The following DAB1 variants were observed in gnomAD, a reference collection of about 807,000 sequenced individuals.
The protein encoded by DAB1 is DAB adaptor protein 1, also known as disabled homolog 1.
In DAB1, 15 loss-of-function variants were observed where a neutral mutation model predicts 64.6. That is an observed-to-expected ratio of 0.23 (90% confidence interval 0.16 to 0.36). The LOEUF is 0.36. DAB1 is among the 10% of genes least tolerant of loss of function. The probability of loss-of-function intolerance (pLI) is 1.00; values close to 1 mark genes in which losing one functional copy is unlikely to be tolerated. For missense variants in DAB1, 596 were observed against 706.7 expected, an observed-to-expected ratio of 0.84 and a Z score of 1.78; for synonymous variants, 235 against 251.9, an observed-to-expected ratio of 0.93 and a Z score of 0.64.
At chr1:57,533,005 C>T (rs1644683607) in intron 7 of DAB1, among the ~76,000 whole-genome samples, 1 of 152,058 alleles carries the variant, frequency 6.6e-6, no homozygotes, top group Non-Finnish European at 1.5e-5. Context: ...TTATAACTTG[C>T]CAAAAATGTA....
intron 5 of DAB1, among the ~76,000 whole-genome samples, chr1:57,976,291 C>G (rs1450183892): frequency 6.6e-6 from 1 of 152,194 alleles, no homozygotes; most frequent in Non-Finnish European, 1.5e-5. Context: ...ACCACCAAAC[C>G]ATCTCAGTAA....
At chr1:57,229,484 T>G (rs1667513502) in intron 2 of DAB1, among the ~76,000 whole-genome samples, 1 of 152,014 alleles carries the variant, frequency 6.6e-6, no homozygotes, top group Non-Finnish European at 1.5e-5. Flanking sequence ...CGTGAGCCAC[T>G]GCGCCCGGCC....
At chr1:57,806,457 G>C (rs558867698) in intron 6 of DAB1, among the ~76,000 whole-genome samples, 1 of 152,290 alleles carries the variant, frequency 6.6e-6, no homozygotes, top group Non-Finnish European at 1.5e-5. Context: ...GGCAGGGATC[G>C]GGGTGATTTG....
chr1:58,341,809 G>A (rs1405627796), intron 4 of DAB1, among the ~76,000 whole-genome samples: 1 of 152,162 alleles, frequency 6.6e-6, no homozygotes, highest in Non-Finnish European at 1.5e-5. Context: ...TTATTTCTAA[G>A]GTGATGCGGG....
chr1:58,254,118 T>C (rs966771142), intron 4 of DAB1, among the ~76,000 whole-genome samples: 2 of 152,186 alleles, frequency 1.3e-5, no homozygotes, highest in African/African-American at 4.8e-5. Flanking sequence ...TCACTTCAGA[T>C]CCACACTCAA....
At chr1:57,132,893 T>C (rs547239656) in intron 4 of DAB1, among the ~76,000 whole-genome samples, 1 of 152,262 alleles carries the variant, frequency 6.6e-6, no homozygotes, top group South Asian at 2.1e-4. Flanking sequence ...CTAATATAGA[T>C]AAAAGCATCA....
chr1:58,070,644 T>C (rs1649178809), intron 5 of DAB1, among the ~76,000 whole-genome samples: 1 of 152,058 alleles, frequency 6.6e-6, no homozygotes. Flanking sequence ...ATGAAGTACA[T>C]TGTGTGAGAT....
intron 5 of DAB1, among the ~76,000 whole-genome samples, chr1:58,069,329 A>C (rs1185421230): frequency 1.3e-5 from 2 of 152,212 alleles, no homozygotes; most frequent in Non-Finnish European, 2.9e-5. Context: ...AAGTTTGTCC[A>C]AGGCTTCCAA....
chr1:58,347,817 T>C lies in DAB1; in HGVS notation n.258-4414A>G, dbSNP rs1644016368. 2.0e-5 allele frequency among the ~76,000 whole-genome samples: 3 copies of C among 152,122 alleles called. No individual in the cohort carries two copies. In the South Asian group the frequency reaches 6.2e-4, roughly 32 times the overall value. Reference sequence around the variant, plus strand: ...GAGGGAAAGAGAAGCTAACTATTTCTCACCTTGCCCCCTTGGCTTGAGCAG... The same window carrying C: ...GAGGGAAAGAGAAGCTAACTATTTCCCACCTTGCCCCCTTGGCTTGAGCAG... On this transcript the variant is annotated intron_variant and non_coding_transcript_variant, in intron 3 of 20. Transcript: ENST00000485760.
At chr1:57,362,820 C>A (rs1305249365) in intron 1 of DAB1, among the ~76,000 whole-genome samples, 1 of 152,126 alleles carries the variant, frequency 6.6e-6, no homozygotes, top group Non-Finnish European at 1.5e-5. Flanking sequence ...CACACACAAG[C>A]ACACAAACAC....
chr1:57,061,235 G>GT (rs961669743), intron 9 of DAB1, among the ~76,000 whole-genome samples: 8 of 151,036 alleles, frequency 5.3e-5, no homozygotes, highest in African/African-American at 1.7e-4. Flanking sequence ...AGATGGGGGG[G>GT]GGGGGTGGTT....
intron 1 of DAB1, among the ~76,000 whole-genome samples, chr1:57,400,710 C>G (rs1375477650): frequency 6.6e-6 from 1 of 151,924 alleles, no homozygotes; most frequent in East Asian, 1.9e-4. Context: ...TCACACAAAT[C>G]CACTGCATTA....
At chr1:57,169,982 CTT>C (rs1491537409) in intron 2 of DAB1, among the ~76,000 whole-genome samples, 1 of 148,256 alleles carries the variant, frequency 6.7e-6, no homozygotes, top group East Asian at 1.9e-4. Flanking sequence ...ATGCCTTTTT[CTT>C]TTTCTTTCTT....
chr1:58,416,342 T>C (rs1420552750), intron 3 of DAB1, among the ~76,000 whole-genome samples: 1 of 152,192 alleles, frequency 6.6e-6, no homozygotes, highest in Non-Finnish European at 1.5e-5. Flanking sequence ...ACCTACGTTT[T>C]TCCATTTGGA....
intron 5 of DAB1, among the ~76,000 whole-genome samples, chr1:58,107,335 G>C (rs1570360502): frequency 6.6e-6 from 1 of 150,918 alleles, no homozygotes; most frequent in South Asian, 2.1e-4. Context: ...GCTGGGCGTG[G>C]TGGTGGGCAC....
chr1:57,802,145 G>T (rs561267189), intron 6 of DAB1, among the ~76,000 whole-genome samples: 1 of 152,096 alleles, frequency 6.6e-6, no homozygotes, highest in African/African-American at 2.4e-5. Context: ...ACATTTATTC[G>T]GTCACACCCA....
At chr1:58,509,658 G>C (rs1368028945) in intron 2 of DAB1, among the ~76,000 whole-genome samples, 1 of 144,336 alleles carries the variant, frequency 6.9e-6, no homozygotes, top group Non-Finnish European at 1.5e-5. Context: ...ATAAAGATTA[G>C]AGCATAAATA....
chr1:57,975,417 G>C (rs1645895953), intron 5 of DAB1, among the ~76,000 whole-genome samples: 2 of 152,204 alleles, frequency 1.3e-5, no homozygotes, highest in African/African-American at 4.8e-5. Flanking sequence ...GCAAAAGACT[G>C]TTAGACTGAC....
At chr1:57,670,107 G>A (rs1161655805) in intron 6 of DAB1, among the ~76,000 whole-genome samples, 2 of 152,026 alleles carry the variant, frequency 1.3e-5, no homozygotes, top group East Asian at 3.8e-4. Flanking sequence ...CAGCACATAC[G>A]CAAAAGCTGG....
Sources: gnomAD v4.1 joint callset for allele counts (sites outside exome capture counted in the v4.1 genomes callset) on GRCh38, gnomAD v4.1.1 for gene constraint, MANE v1.5 for transcripts, NCBI Gene and HGNC (gene_info 2026-07-23, HGNC 2026-07-21) for gene names.